ALCAM: variants seen among roughly 807,000 people sequenced by gnomAD.
The protein encoded by ALCAM is activated leukocyte cell adhesion molecule, also known as CD166 antigen.
ALCAM carries 30 observed loss-of-function variants against 70.9 expected under a neutral mutation model. The observed-to-expected ratio is 0.42, with a 90% CI of 0.32 to 0.57. The LOEUF is 0.57. Among genes scored for constraint, ALCAM ranks in the 20% least tolerant of loss-of-function variants. The probability of loss-of-function intolerance (pLI) is 0.11; values close to 1 mark genes in which losing one functional copy is unlikely to be tolerated. For synonymous variants in ALCAM, 249 were observed against 242.5 expected (o/e 1.03, Z -0.25); for missense variants, 591 against 695.1 (o/e 0.85, Z 1.68).
In ALCAM at chr3:105,520,081, A is replaced by G. The variant is rs1387564824; in HGVS notation, c.88A>G (p.Thr30Ala). Residue 30 changes from threonine (T) to alanine (A), a missense_variant, in exon 2 of 16, where the codon ACT (threonine) becomes GCT (alanine). Physicochemically the swap from Thr to Ala is moderately conservative, Grantham distance 58. This residue lies in a region of ALCAM where 427 missense variants were observed against 450.4 expected (regional missense o/e 0.95). Coordinates refer to ENST00000306107, the MANE Select transcript of ALCAM (RefSeq NM_001627.4). Reference protein sequence around the residue: ...TVFRPGLGWYTVNSAYGDTII... With the variant: ...TVFRPGLGWYAVNSAYGDTII... ...TTCCCCCAAAGGCCTTGGATGGTAT[A>G]CTGTAAATTCAGCATATGGAGATAC... 2 of 1,608,350 alleles carry G rather than the reference A, an allele frequency of 1.2e-6. No homozygotes were observed. Among genetic ancestry groups the G allele is most frequent in the South Asian group, 2.2e-5 (2 of 90,640 alleles).
Position 105,576,457 on chromosome 3 carries a change from T to C in ALCAM, c.*2006T>C, listed in dbSNP as rs890311414. On this transcript the variant is annotated 3_prime_UTR_variant, in exon 16 of 16. Coordinates refer to ENST00000306107, the MANE Select transcript of ALCAM (RefSeq NM_001627.4). ...GGTTTAAAGTCTAACTTCTAAGATA[T>C]ATTTGCAGAAAGAAGCAACATGACA... The C allele has an allele frequency of 6.6e-6, 1 of 152,630 alleles. No individual in the cohort carries two copies. Among genetic ancestry groups the C allele is most frequent in the African/African-American group, 2.4e-5 (1 of 41,456 alleles). 9.5% of individuals were successfully genotyped at this position (152,630 alleles called of 1,614,324 possible). A position where few individuals can be genotyped will look rare whatever the true frequency, so the allele number is the denominator to read the frequency against.
At chr3:105,568,065 T>TTTA (rs1481375788) in intron 14 of ALCAM, among the ~76,000 whole-genome samples, 12 of 66,676 alleles carry the variant, frequency 1.8e-4, no homozygotes, top group African/African-American at 4.9e-4. Flanking sequence ...TTTATTTTAT[T>TTTA]TTTTTTTTTT....
intron 1 of ALCAM, among the ~76,000 whole-genome samples, chr3:105,379,272 C>T (rs1273874912): frequency 6.6e-6 from 1 of 151,872 alleles, no homozygotes; most frequent in Non-Finnish European, 1.5e-5. Context: ...ATCAGAAAAA[C>T]TTGTGAAATA....
intron 1 of ALCAM, among the ~76,000 whole-genome samples, chr3:105,451,193 G>T (rs1385033217): frequency 6.6e-6 from 1 of 151,522 alleles, no homozygotes; most frequent in Admixed American, 6.6e-5. Flanking sequence ...TAGCTAAGGA[G>T]TTCAAGACCA....
At chr3:105,530,686 T>C (rs539201177) in intron 3 of ALCAM, among the ~76,000 whole-genome samples, 1 of 152,200 alleles carries the variant, frequency 6.6e-6, no homozygotes, top group South Asian at 2.1e-4. Context: ...GGCCCTCTTA[T>C]AATTAAAGAG....
chr3:105,462,593 C>T (rs1937619727), intron 1 of ALCAM, among the ~76,000 whole-genome samples: 1 of 151,396 alleles, frequency 6.6e-6, no homozygotes, highest in African/African-American at 2.4e-5. Context: ...AATAATTACA[C>T]TGTTAACCAA....
At chr3:105,517,122 C>A (rs1358512790) in intron 1 of ALCAM, among the ~76,000 whole-genome samples, 1 of 152,004 alleles carries the variant, frequency 6.6e-6, no homozygotes, top group Non-Finnish European at 1.5e-5. Flanking sequence ...CACCAAATCA[C>A]CATGGTCTTT....
chr3:105,443,108 A>G (rs7629589), intron 1 of ALCAM, among the ~76,000 whole-genome samples: 107,263 of 152,096 alleles, frequency 0.71, 38,115 homozygotes, highest in East Asian at 0.93. Flanking sequence ...TTACAGCCAT[A>G]AGCTACCTCG....
intron 1 of ALCAM, among the ~76,000 whole-genome samples, chr3:105,394,491 T>C (rs1268082420): frequency 6.6e-6 from 1 of 152,000 alleles, no homozygotes; most frequent in African/African-American, 2.4e-5. Context: ...TGCTTCTTTG[T>C]TGTTATTTAC....
chr3:105,477,892 T>C (rs1034094963), intron 1 of ALCAM, among the ~76,000 whole-genome samples: 1 of 152,148 alleles, frequency 6.6e-6, no homozygotes, highest in Non-Finnish European at 1.5e-5. Flanking sequence ...ATTTTACTCA[T>C]AGACTTCCAT....
intron 4 of ALCAM, among the ~76,000 whole-genome samples, chr3:105,532,826 A>G (rs1220319033): frequency 2.6e-5 from 4 of 152,156 alleles, no homozygotes; most frequent in Non-Finnish European, 5.9e-5. Flanking sequence ...TTGGATCATG[A>G]CAAATCTTAC....
Position 105,395,405 on chromosome 3 carries a change from G to A in ALCAM, c.73+27924G>A, listed in dbSNP as rs1442875409. Among the ~76,000 whole-genome samples, 10 of 152,006 alleles carry A rather than the reference G, an allele frequency of 6.6e-5. No homozygotes were observed. The East Asian group carries it at 1.6e-3, about 24-fold the overall frequency. On this transcript the variant is annotated intron_variant, in intron 1 of 15. Transcript: ENST00000306107. ...AATAGAGAAATTCACAGCAACAAAT[G>A]AGCTCTTATTTCTTATATCCAGAGA...
At chr3:105,519,321 T>G (rs888899503) in intron 1 of ALCAM, among the ~76,000 whole-genome samples, 26 of 151,984 alleles carry the variant, frequency 1.7e-4, no homozygotes, top group African/African-American at 6.3e-4. Context: ...TTATATTTTT[T>G]CTTAATATAG....
intron 1 of ALCAM, among the ~76,000 whole-genome samples, chr3:105,414,706 T>C (rs1198803772): frequency 1.3e-5 from 2 of 152,034 alleles, no homozygotes; most frequent in African/African-American, 4.8e-5. Flanking sequence ...GAGCTAAGGG[T>C]CAGAATATAG....
chr3:105,492,077 A>C (rs1938601458), intron 1 of ALCAM, among the ~76,000 whole-genome samples: 1 of 152,214 alleles, frequency 6.6e-6, no homozygotes, highest in Non-Finnish European at 1.5e-5. Context: ...GGGAGGCCTC[A>C]GGGAACTTAC....
chr3:105,522,651 T>C (rs1939574251), intron 2 of ALCAM, among the ~76,000 whole-genome samples: 1 of 152,100 alleles, frequency 6.6e-6, no homozygotes, highest in African/African-American at 2.4e-5. Flanking sequence ...TTGAAGGCTA[T>C]CAAGAGTGGT....
intron 1 of ALCAM, among the ~76,000 whole-genome samples, chr3:105,474,582 A>C (rs1258731357): frequency 6.7e-6 from 1 of 149,336 alleles, no homozygotes; most frequent in Non-Finnish European, 1.5e-5. Flanking sequence ...TTCAGGCTTA[A>C]GCCTTTTCTT....
intron 9 of ALCAM, 109 bp downstream of exon 9, chr3:105,545,444 AC>A: frequency 1.4e-6 from 1 of 700,482 alleles, no homozygotes; most frequent in Non-Finnish European, 2.5e-6. Context: ...GTGTTTATAT[AC>A]CAGCTCTCTC....
intron 1 of ALCAM, among the ~76,000 whole-genome samples, chr3:105,381,921 T>A (rs989848539): frequency 7.3e-5 from 11 of 151,560 alleles, no homozygotes; most frequent in East Asian, 3.9e-4. Context: ...TACTTTATTT[T>A]TTTATTTATT....
Sources: gnomAD v4.1 joint callset for allele counts (sites outside exome capture counted in the v4.1 genomes callset) on GRCh38, gnomAD v4.1.1 for gene constraint, gnomAD v4.1.1 regional missense constraint, MANE v1.5 for transcripts, NCBI Gene and HGNC (gene_info 2026-07-23, HGNC 2026-07-21) for gene names.